MAN1A2: variants seen among roughly 807,000 people sequenced by gnomAD.
MAN1A2 encodes the protein mannosidase alpha class 1A member 2, also known as mannosyl-oligosaccharide 1,2-alpha-mannosidase IB.
Under a neutral mutation model 75.7 loss-of-function variants are expected in MAN1A2, and 26 were observed. That is an observed-to-expected ratio of 0.34 (90% CI 0.25 to 0.48). MAN1A2 has a LOEUF of 0.48. Among genes scored for constraint, MAN1A2 ranks in the 20% least tolerant of loss-of-function variants. The probability of loss-of-function intolerance (pLI) is 0.99; values close to 1 mark genes in which losing one functional copy is unlikely to be tolerated. For missense variants in MAN1A2, 562 were observed against 775.5 expected, an observed-to-expected ratio of 0.72 and a Z score of 3.27; for synonymous variants, 247 against 264.6, an observed-to-expected ratio of 0.93 and a Z score of 0.65.
At chr1:117,513,156 G>T (rs1651599683) in intron 12 of MAN1A2, among the ~76,000 whole-genome samples, 1 of 152,078 alleles carries the variant, frequency 6.6e-6, no homozygotes, top group Admixed American at 6.6e-5. Context: ...ACTATAGGTT[G>T]CTGCTTGTGA....
At chr1:117,421,098 T>C (rs1406790340) in intron 5 of MAN1A2, among the ~76,000 whole-genome samples, 1 of 152,110 alleles carries the variant, frequency 6.6e-6, no homozygotes, top group Non-Finnish European at 1.5e-5. Flanking sequence ...AATTCTCCTC[T>C]CTGGAAATCT....
intron 8 of MAN1A2, among the ~76,000 whole-genome samples, chr1:117,470,005 A>C (rs930158897): frequency 6.6e-6 from 1 of 152,128 alleles, no homozygotes; most frequent in African/African-American, 2.4e-5. Flanking sequence ...ACTCAAACAG[A>C]TACTTGTAGC....
intron 1 of MAN1A2, among the ~76,000 whole-genome samples, chr1:117,393,826 A>T (rs1653814913): frequency 6.6e-6 from 1 of 152,212 alleles, no homozygotes; most frequent in African/African-American, 2.4e-5. Flanking sequence ...TAGAAATCTT[A>T]GCAAGGTAGT....
intron 8 of MAN1A2, among the ~76,000 whole-genome samples, chr1:117,479,305 C>T (rs1173708686): frequency 5.9e-5 from 9 of 151,878 alleles, no homozygotes; most frequent in South Asian, 2.1e-4. Flanking sequence ...AATAGTATTC[C>T]ATGATGTGTA....
chr1:117,400,739 T>G (rs555018275), intron 1 of MAN1A2, among the ~76,000 whole-genome samples: 1 of 152,346 alleles, frequency 6.6e-6, no homozygotes, highest in African/African-American at 2.4e-5. Flanking sequence ...TACCACAGTT[T>G]TGTTTAACTG....
At chr1:117,443,118 T>C (rs1649095492) in intron 6 of MAN1A2, among the ~76,000 whole-genome samples, 1 of 152,172 alleles carries the variant, frequency 6.6e-6, no homozygotes, top group Non-Finnish European at 1.5e-5. Flanking sequence ...TGATTGTTGT[T>C]CTCTTTGCAC....
At chr1:117,429,365 C>A (rs1223499912) in intron 5 of MAN1A2, among the ~76,000 whole-genome samples, 5 of 139,398 alleles carry the variant, frequency 3.6e-5, no homozygotes, top group South Asian at 2.3e-4. Flanking sequence ...CTCCTCACTT[C>A]CCAGTAGGGG....
At chr1:117,384,673 T>A (rs1653462548) in intron 1 of MAN1A2, among the ~76,000 whole-genome samples, 1 of 152,176 alleles carries the variant, frequency 6.6e-6, no homozygotes, top group African/African-American at 2.4e-5. Flanking sequence ...GGTATTGAAG[T>A]TTCTATTATT....
chr1:117,426,929 C>T (rs1648395296), intron 5 of MAN1A2, among the ~76,000 whole-genome samples: 1 of 152,010 alleles, frequency 6.6e-6, no homozygotes, highest in Non-Finnish European at 1.5e-5. Flanking sequence ...TGCAAGAGCC[C>T]CCTGCCCCAC....
intron 5 of MAN1A2, among the ~76,000 whole-genome samples, chr1:117,439,574 A>C (rs184264926): frequency 1.3e-5 from 2 of 151,494 alleles, no homozygotes; most frequent in Non-Finnish European, 2.9e-5. Flanking sequence ...GTTCACTGCA[A>C]CCTCCGCCTC....
intron 1 of MAN1A2, among the ~76,000 whole-genome samples, chr1:117,381,599 G>A (rs1389337894): frequency 6.6e-6 from 1 of 151,974 alleles, no homozygotes; most frequent in Admixed American, 6.5e-5. Context: ...TGGACATTTG[G>A]GTTGGTTCCA....
intron 1 of MAN1A2, among the ~76,000 whole-genome samples, chr1:117,383,898 G>A (rs1193991007): frequency 1.3e-5 from 2 of 152,104 alleles, no homozygotes; most frequent in African/African-American, 4.8e-5. Flanking sequence ...TGGGACTACA[G>A]ATGCACACAT....
intron 5 of MAN1A2, among the ~76,000 whole-genome samples, chr1:117,431,582 A>G (rs1648661405): frequency 6.6e-6 from 1 of 152,230 alleles, no homozygotes; most frequent in Admixed American, 6.5e-5. Flanking sequence ...TCAAGTGCAC[A>G]TGGTATGTTT....
At chr1:117,498,413 A>G (rs1054965022) in intron 10 of MAN1A2, among the ~76,000 whole-genome samples, 15 of 151,876 alleles carry the variant, frequency 9.9e-5, no homozygotes, top group Non-Finnish European at 2.1e-4. Flanking sequence ...CTATAATTAA[A>G]TATTTACTCC....
intron 5 of MAN1A2, among the ~76,000 whole-genome samples, chr1:117,440,263 T>C (rs1171470056): frequency 6.6e-6 from 1 of 152,214 alleles, no homozygotes; most frequent in African/African-American, 2.4e-5. Flanking sequence ...ATGAGGATTT[T>C]ATGTGACATG....
intron 9 of MAN1A2, chr1:117,494,394 T>A (rs1165516324): frequency 6.6e-6 from 1 of 152,104 alleles, no homozygotes; most frequent in Admixed American, 6.6e-5. Flanking sequence ...ATTTTAGTTA[T>A]TTTTTAAAAG....
chr1:117,467,018 AATG>A (rs1371020849), intron 8 of MAN1A2, among the ~76,000 whole-genome samples: 8 of 152,144 alleles, frequency 5.3e-5, no homozygotes, highest in Non-Finnish European at 1.2e-4. Flanking sequence ...CTGTGGTAAA[AATG>A]ATTCCCTCTG....
chr1:117,371,597 A>G (rs896233884), intron 1 of MAN1A2, among the ~76,000 whole-genome samples: 4 of 152,160 alleles, frequency 2.6e-5, no homozygotes, highest in Admixed American at 2.6e-4. Context: ...CAGAAGACAC[A>G]ACATGTGTGA....
At position 117,445,888 on chromosome 1, in the gene MAN1A2, A is replaced by ATATATATG. The variant is rs1310549101; in HGVS notation, c.950+3570_950+3571insGTATATAT. ...TGTGTGTGTGTCTGTGTGTGTGTATATATATATATATGTATATATGTAAAT... is the reference window on the plus strand; with the variant it reads ...TGTGTGTGTGTCTGTGTGTGTGTATATATATATGTATATATATATGTATATATGTAAAT... On this transcript the variant is annotated intron_variant, in intron 6 of 12. Transcript: ENST00000356554. 1.2e-3 allele frequency among the ~76,000 whole-genome samples: 173 copies of ATATATATG among 143,596 alleles called. 2 individuals are homozygous for ATATATATG. The highest frequency in any genetic ancestry group is 2.1e-3 in the Non-Finnish European group (136 of 65,260). The allele number at this position is 143,596 out of a possible 152,430, so 94.2% of individuals were successfully genotyped here.
Sources: gnomAD v4.1 joint callset for allele counts (sites outside exome capture counted in the v4.1 genomes callset) on GRCh38, gnomAD v4.1.1 for gene constraint, MANE v1.5 for transcripts, NCBI Gene and HGNC (gene_info 2026-07-23, HGNC 2026-07-21) for gene names.